TACR1: variants seen among roughly 807,000 people sequenced by gnomAD.
TACR1 encodes the protein tachykinin receptor 1.
Under a neutral mutation model 35.8 loss-of-function variants are expected in TACR1, and 25 were observed. The ratio of observed to expected loss-of-function variants is 0.70; its 90% confidence interval spans 0.51 to 0.98. The LOEUF (loss-of-function observed/expected upper bound fraction) is 0.98, where lower values mean the gene tolerates loss of function less well. Ranked by LOEUF, TACR1 falls within the 50% of genes least tolerant of loss-of-function variation. The probability of loss-of-function intolerance (pLI) is 0.00; values close to 1 mark genes in which losing one functional copy is unlikely to be tolerated. For synonymous variants in TACR1, 195 were observed against 206.7 expected (o/e 0.94, Z 0.48); for missense variants, 478 against 522.9 (o/e 0.91, Z 0.84).
chr2:75,093,007 T>C (rs1308832096), intron 2 of TACR1, among the ~76,000 whole-genome samples: 1 of 152,196 alleles, frequency 6.6e-6, no homozygotes, highest in African/African-American at 2.4e-5. Flanking sequence ...ACTAAATTCA[T>C]TTACAATGTC....
intron 1 of TACR1, among the ~76,000 whole-genome samples, chr2:75,150,929 A>T (rs2103964871): frequency 6.6e-6 from 1 of 152,340 alleles, no homozygotes; most frequent in East Asian, 1.9e-4. Flanking sequence ...ACTGGAGCAA[A>T]GGTGACTCTT....
chr2:75,088,020 G>T (rs1673221587), intron 2 of TACR1, among the ~76,000 whole-genome samples: 1 of 152,186 alleles, frequency 6.6e-6, no homozygotes, highest in African/African-American at 2.4e-5. Context: ...TCCCTCATCT[G>T]TAGTCCCCCC....
chr2:75,180,212 G>A (rs1350936321), intron 1 of TACR1, among the ~76,000 whole-genome samples: 3 of 151,968 alleles, frequency 2.0e-5, no homozygotes, highest in Non-Finnish European at 2.9e-5. Context: ...TACCCTTGTC[G>A]GTACTCAAAA....
At chr2:75,184,571 G>A (rs1675641809) in intron 1 of TACR1, among the ~76,000 whole-genome samples, 1 of 151,472 alleles carries the variant, frequency 6.6e-6, no homozygotes, top group Non-Finnish European at 1.5e-5. Flanking sequence ...TGAATTACAG[G>A]ACTTATTAAG....
chr2:75,135,266 C>A (rs537906263), intron 1 of TACR1, among the ~76,000 whole-genome samples: 1 of 152,330 alleles, frequency 6.6e-6, no homozygotes, highest in South Asian at 2.1e-4. Context: ...TTCTTAGAAT[C>A]TCAGTTTTCT....
chr2:75,126,231 G>C (rs1038314173), intron 1 of TACR1, among the ~76,000 whole-genome samples: 2 of 152,034 alleles, frequency 1.3e-5, no homozygotes, highest in African/African-American at 2.4e-5. Flanking sequence ...CTCCATTCAT[G>C]TTCCCGTAAA....
At chr2:75,059,830 C>T (rs1250591579) in intron 2 of TACR1, among the ~76,000 whole-genome samples, 1 of 152,182 alleles carries the variant, frequency 6.6e-6, no homozygotes, top group African/African-American at 2.4e-5. Context: ...TGCTCTTCCT[C>T]AAATGTCCTT....
At chr2:75,124,954 A>T (rs1288901655) in intron 1 of TACR1, among the ~76,000 whole-genome samples, 1 of 152,202 alleles carries the variant, frequency 6.6e-6, no homozygotes, top group African/African-American at 2.4e-5. Flanking sequence ...GTCATGACCA[A>T]GAATCAGATA....
At chr2:75,076,483 G>C (rs1450239246) in intron 2 of TACR1, among the ~76,000 whole-genome samples, 1 of 152,170 alleles carries the variant, frequency 6.6e-6, no homozygotes, top group African/African-American at 2.4e-5. Flanking sequence ...AGTCAATTAG[G>C]AGGTGAGAGA....
At chr2:75,165,761 C>T (rs1675128081) in intron 1 of TACR1, among the ~76,000 whole-genome samples, 1 of 152,122 alleles carries the variant, frequency 6.6e-6, no homozygotes, top group Non-Finnish European at 1.5e-5. Flanking sequence ...GCTTCAGGTC[C>T]CTGCTCTTTT....
chr2:75,175,770 G>A (rs1029701387), intron 1 of TACR1, among the ~76,000 whole-genome samples: 4 of 152,036 alleles, frequency 2.6e-5, no homozygotes, highest in African/African-American at 4.8e-5. Flanking sequence ...CCTCTGTGCC[G>A]TGTAAAGTGA....
At chr2:75,152,430 T>C (rs1194150133) in intron 1 of TACR1, among the ~76,000 whole-genome samples, 1 of 152,178 alleles carries the variant, frequency 6.6e-6, no homozygotes, top group Non-Finnish European at 1.5e-5. Context: ...GTTTCTGCTT[T>C]TGCTTCTTCC....
At chr2:75,116,437 G>T (rs1673860342) in intron 2 of TACR1, among the ~76,000 whole-genome samples, 1 of 152,124 alleles carries the variant, frequency 6.6e-6, no homozygotes, top group African/African-American at 2.4e-5. Context: ...CCGTTCTACT[G>T]ATGATGGATA....
chr2:75,065,137 T>A (rs969018350), intron 2 of TACR1, among the ~76,000 whole-genome samples: 1 of 152,204 alleles, frequency 6.6e-6, no homozygotes, highest in Admixed American at 6.5e-5. Flanking sequence ...GTGGCGCCAA[T>A]CTGCAGCCGG....
rs142774521 is a variant in TACR1, at chr2:75,094,887, A to G, written c.584+25687T>C. On this transcript the variant is annotated intron_variant, in intron 2 of 4. Coordinates refer to ENST00000305249, the MANE Select transcript of TACR1 (RefSeq NM_001058.4). ...TTTTTTTTTTTTGCCCAAGATGGCAAAGAGAACAGCTAGAATATGACTGGA... is the reference window on the plus strand; with the variant it reads ...TTTTTTTTTTTTGCCCAAGATGGCAGAGAGAACAGCTAGAATATGACTGGA... 7.7e-3 allele frequency among the ~76,000 whole-genome samples: 1,027 copies of G among 133,300 alleles called. 15 individuals carry two copies. Among genetic ancestry groups the G allele is most frequent in the African/African-American group, 0.034 (927 of 27,620 alleles). 87.4% of individuals were successfully genotyped at this position (133,300 alleles called of 152,430 possible). A position where few individuals can be genotyped will look rare whatever the true frequency, so the allele number is the denominator to read the frequency against.
intron 1 of TACR1, among the ~76,000 whole-genome samples, chr2:75,143,177 G>A (rs1674442942): frequency 1.3e-5 from 2 of 152,184 alleles, no homozygotes; most frequent in Admixed American, 6.5e-5. Context: ...AGTCTGAGGT[G>A]CAAGCGAGGA....
At chr2:75,184,855 G>T (rs974788937) in intron 1 of TACR1, among the ~76,000 whole-genome samples, 1 of 151,600 alleles carries the variant, frequency 6.6e-6, no homozygotes, top group African/African-American at 2.4e-5. Context: ...CATATTAAAA[G>T]CTCGACTACA....
At chr2:75,154,401 AG>A (rs1674755841) in intron 1 of TACR1, 1 of 76,444 alleles carries the variant, frequency 1.3e-5, no homozygotes, top group African/African-American at 5.8e-5. Context: ...ATCAGCCAAG[AG>A]CGCGCACGCA....
chr2:75,121,097 A>T (rs936179746), intron 1 of TACR1, among the ~76,000 whole-genome samples: 25 of 152,244 alleles, frequency 1.6e-4, no homozygotes, highest in African/African-American at 5.8e-4. Flanking sequence ...AAAAATAAGA[A>T]CAATGTTGTA....
Sources: allele counts gnomAD v4.1 joint callset (sites outside exome capture counted in the v4.1 genomes callset), GRCh38; gene constraint gnomAD v4.1.1; transcripts MANE v1.5; gene names NCBI Gene and HGNC (gene_info 2026-07-23, HGNC 2026-07-21).